Variants in FOXP2 observed in about 807,000 individuals in gnomAD.
FOXP2 encodes forkhead box protein P2.
A neutral mutation model predicts 115.8 loss-of-function variants in FOXP2; 12 were observed. The ratio of observed to expected loss-of-function variants is 0.10; its 90% CI spans 0.07 to 0.17. The LOEUF (loss-of-function observed/expected upper bound fraction) is 0.17. Among genes scored for constraint, FOXP2 ranks in the 10% least tolerant of loss-of-function variants. The pLI is 1.00. For synonymous variants in FOXP2, 328 were observed against 297.7 expected (o/e 1.10, Z -1.05); for missense variants, 629 against 843.5 (o/e 0.75, Z 3.15).
chr7:114,524,609 C>G (rs1325631800), intron 2 of FOXP2, among the ~76,000 whole-genome samples: 1 of 152,062 alleles, frequency 6.6e-6, no homozygotes, highest in Non-Finnish European at 1.5e-5. Context: ...GTTTATACAT[C>G]TGTGATAAAA....
intron 2 of FOXP2, among the ~76,000 whole-genome samples, chr7:114,372,090 G>A (rs1389994573): frequency 6.6e-6 from 1 of 152,040 alleles, no homozygotes; most frequent in South Asian, 2.1e-4. Flanking sequence ...TGAACTATGA[G>A]AAACAAATAC....
chr7:114,409,241 G>T (rs1016417946), intron 2 of FOXP2, among the ~76,000 whole-genome samples: 2 of 152,062 alleles, frequency 1.3e-5, no homozygotes, highest in Non-Finnish European at 2.9e-5. Flanking sequence ...TTTGAAATCT[G>T]TAGTCTATCT....
At chr7:114,177,924 T>C (rs1014708146) in intron 1 of FOXP2, among the ~76,000 whole-genome samples, 2 of 151,998 alleles carry the variant, frequency 1.3e-5, no homozygotes, top group African/African-American at 2.4e-5. Context: ...CTAACTGAAA[T>C]TATATGTCTT....
intron 2 of FOXP2, among the ~76,000 whole-genome samples, chr7:114,490,741 T>G (rs546418776): frequency 6.7e-4 from 102 of 152,070 alleles, no homozygotes; most frequent in African/African-American, 2.3e-3. Flanking sequence ...CACCTATGAG[T>G]GAGAATATGC....
chr7:114,540,783 A>C (rs899156648), intron 3 of FOXP2, among the ~76,000 whole-genome samples: 4 of 152,098 alleles, frequency 2.6e-5, no homozygotes, highest in African/African-American at 7.2e-5. Context: ...AGATGTAGAC[A>C]TAGGAAATTC....
intron 2 of FOXP2, among the ~76,000 whole-genome samples, chr7:114,513,885 A>G (rs1466033000): frequency 6.6e-6 from 1 of 152,088 alleles, no homozygotes; most frequent in Non-Finnish European, 1.5e-5. Context: ...GAAATGGCAA[A>G]CTGTTGCCTA....
intron 1 of FOXP2, among the ~76,000 whole-genome samples, chr7:114,286,031 A>AT (rs1205078864): frequency 6.6e-6 from 1 of 151,670 alleles, no homozygotes; most frequent in East Asian, 1.9e-4. Flanking sequence ...TATTTGCCTA[A>AT]TTTTTTTTCT....
intron 1 of FOXP2, among the ~76,000 whole-genome samples, chr7:114,249,444 TGTAA>T (rs901589708): frequency 3.3e-5 from 5 of 152,028 alleles, no homozygotes; most frequent in African/African-American, 4.8e-5. Flanking sequence ...AGCTCCCACT[TGTAA>T]GTGAGAACAT....
chr7:114,367,838 T>G (rs1318054989), intron 2 of FOXP2, among the ~76,000 whole-genome samples: 1 of 152,100 alleles, frequency 6.6e-6, no homozygotes, highest in East Asian at 1.9e-4. Flanking sequence ...GATGACTAAA[T>G]AAGCACTATA....
chr7:114,230,422 A>G (rs1373667724), intron 1 of FOXP2, among the ~76,000 whole-genome samples: 2 of 151,948 alleles, frequency 1.3e-5, no homozygotes, highest in Non-Finnish European at 2.9e-5. Flanking sequence ...CACTACACAA[A>G]TGAAAACTGT....
intron 1 of FOXP2, among the ~76,000 whole-genome samples, chr7:114,130,615 G>C (rs1269511245): frequency 6.6e-6 from 1 of 152,138 alleles, no homozygotes; most frequent in Non-Finnish European, 1.5e-5. Flanking sequence ...TTAAATTCTA[G>C]TCATCTGGGA....
At chr7:114,152,052 A>C (rs1335619406) in intron 1 of FOXP2, among the ~76,000 whole-genome samples, 1 of 152,156 alleles carries the variant, frequency 6.6e-6, no homozygotes, top group African/African-American at 2.4e-5. Context: ...AAAAATAGTT[A>C]AGGAATATAA....
chr7:114,126,667 G>T (rs1038977088), intron 1 of FOXP2, among the ~76,000 whole-genome samples: 3 of 152,074 alleles, frequency 2.0e-5, no homozygotes, highest in African/African-American at 7.2e-5. Context: ...TTAAATTCAG[G>T]ACTTTGCAAG....
intron 2 of FOXP2, among the ~76,000 whole-genome samples, chr7:114,400,559 C>G (rs913707523): frequency 3.3e-5 from 5 of 152,104 alleles, no homozygotes; most frequent in Non-Finnish European, 7.4e-5. Context: ...ATCTTTTTGG[C>G]ACCAGATAAT....
chr7:114,460,094 A>G (rs1795498083), intron 2 of FOXP2, among the ~76,000 whole-genome samples: 1 of 152,180 alleles, frequency 6.6e-6, no homozygotes, highest in Non-Finnish European at 1.5e-5. Context: ...CCTAATTTTA[A>G]CAGCTTAGCA....
At chr7:114,619,692 A>G (rs938676555) in intron 3 of FOXP2, among the ~76,000 whole-genome samples, 1 of 152,024 alleles carries the variant, frequency 6.6e-6, no homozygotes, top group African/African-American at 2.4e-5. Flanking sequence ...GGGTCAAATT[A>G]TTCTTTTCCG....
intron 2 of FOXP2, among the ~76,000 whole-genome samples, chr7:114,390,064 A>G (rs1011454398): frequency 1.3e-5 from 2 of 151,796 alleles, no homozygotes; most frequent in Non-Finnish European, 2.9e-5. Flanking sequence ...TTAAAAAAAA[A>G]GATTAGTGAC....
upstream of FOXP2, chr7:114,414,345 T>G (rs1217844099): frequency 6.6e-6 from 1 of 152,362 alleles, no homozygotes; most frequent in Non-Finnish European, 1.5e-5. Context: ...TCTCTGCTAG[T>G]TGATTCCTGT....
At chr7:114,669,242 A>G (rs1807355778) in intron 16 of FOXP2, 1 of 152,078 alleles carries the variant, frequency 6.6e-6, no homozygotes, top group South Asian at 2.1e-4. Flanking sequence ...AATATAAATC[A>G]GATGAATGTT....
Sources: allele counts gnomAD v4.1 joint callset (sites outside exome capture counted in the v4.1 genomes callset), GRCh38; gene constraint gnomAD v4.1.1; transcripts MANE v1.5; gene names NCBI Gene and HGNC (gene_info 2026-07-23, HGNC 2026-07-21).